Variants in MED13L observed in about 807,000 individuals in gnomAD.
MED13L encodes the protein mediator of RNA polymerase II transcription subunit 13-like.
In MED13L, 7 loss-of-function variants were observed where a neutral mutation model predicts 220.9. The ratio of observed to expected loss-of-function variants is 0.03; its 90% CI spans 0.02 to 0.06. The LOEUF is 0.06. MED13L is among the 10% of genes least tolerant of loss of function. MED13L has a pLI of 1.00. For synonymous variants in MED13L, 1,011 were observed against 1,015.2 expected (o/e 1.00, Z 0.08); for missense variants, 1,965 against 2,760.5 (o/e 0.71, Z 6.46).
chr12:116,111,386 C>T, intron 3 of MED13L, 42 bp downstream of exon 3: 1 of 1,518,924 alleles, frequency 6.6e-7, no homozygotes, highest in Non-Finnish European at 9.1e-7. Flanking sequence ...TAGCAATATA[C>T]TTGGTTGTCT....
intron 2 of MED13L, among the ~76,000 whole-genome samples, chr12:116,167,365 T>G (rs1879357471): frequency 1.3e-5 from 2 of 152,220 alleles, no homozygotes; most frequent in South Asian, 4.1e-4. Context: ...GATGCCAGTC[T>G]ATTAAGTATA....
Position 115,960,577 on chromosome 12 carries a change from C to G in MED13L, c.*689G>C, listed in dbSNP as rs1875696073. The G allele has an allele frequency of 6.5e-6, 1 of 154,256 alleles. No homozygotes were observed. Among genetic ancestry groups the G allele is most frequent in the African/African-American group, 2.4e-5 (1 of 41,418 alleles). 9.6% of individuals were successfully genotyped at this position (154,256 alleles called of 1,614,324 possible). On this transcript the variant is annotated 3_prime_UTR_variant, in exon 31 of 31. Transcript: ENST00000281928. ...GTAGTCAAAGAATCCTATGGTGGAT[C>G]TGAATTGGGTTTCAGCTACTGTACC...
intron 3 of MED13L, among the ~76,000 whole-genome samples, chr12:116,109,617 T>G (rs1366362938): frequency 1.3e-5 from 2 of 152,238 alleles, no homozygotes; most frequent in Non-Finnish European, 2.9e-5. Context: ...AAACGTGTGT[T>G]AATTATTGCA....
At chr12:116,217,877 C>T (rs1190013626) in intron 2 of MED13L, among the ~76,000 whole-genome samples, 1 of 152,074 alleles carries the variant, frequency 6.6e-6, no homozygotes, top group Non-Finnish European at 1.5e-5. Context: ...GAGAATTATA[C>T]CAAAATAAGG....
intron 1 of MED13L, among the ~76,000 whole-genome samples, chr12:116,263,357 CATT>C (rs1045001945): frequency 1.5e-4 from 23 of 152,268 alleles, no homozygotes; most frequent in African/African-American, 5.5e-4. Context: ...CTAAAAATCT[CATT>C]ATATTTCTGA....
chr12:116,212,712 A>AAATCAAATAAGTTCACCCTTAAT (rs1264685294), intron 2 of MED13L, among the ~76,000 whole-genome samples: 1 of 152,226 alleles, frequency 6.6e-6, no homozygotes, highest in Non-Finnish European at 1.5e-5. Context: ...ATAGAAAACA[A>AAATCAAATAAGTTCACCCTTAAT]AATCAAATAA....
At chr12:116,218,096 A>G (rs2138379326) in intron 2 of MED13L, among the ~76,000 whole-genome samples, 1 of 152,298 alleles carries the variant, frequency 6.6e-6, no homozygotes, top group East Asian at 1.9e-4. Flanking sequence ...ATTCAATAGC[A>G]TAACTATCTA....
At chr12:116,096,214 G>T (rs1872620073) in intron 4 of MED13L, among the ~76,000 whole-genome samples, 1 of 151,462 alleles carries the variant, frequency 6.6e-6, no homozygotes, top group South Asian at 2.1e-4. Flanking sequence ...AATTAGCCAG[G>T]TGTGGTGGCA....
chr12:116,140,428 A>G (rs1876966124), intron 2 of MED13L, among the ~76,000 whole-genome samples: 1 of 152,180 alleles, frequency 6.6e-6, no homozygotes, highest in South Asian at 2.1e-4. Flanking sequence ...TTCTAGCAGT[A>G]TTTTTAGAGC....
chr12:116,241,243 T>A (rs1329574092), intron 1 of MED13L, among the ~76,000 whole-genome samples: 1 of 150,676 alleles, frequency 6.6e-6, no homozygotes, highest in Non-Finnish European at 1.5e-5. Flanking sequence ...AGGCAGAGGT[T>A]GTAGTGAGCC....
intron 2 of MED13L, among the ~76,000 whole-genome samples, chr12:116,226,868 CAAA>C (rs1170342196): frequency 3.1e-5 from 2 of 63,894 alleles, no homozygotes; most frequent in Non-Finnish European, 6.0e-5. Context: ...GACTCCATCT[CAAA>C]AAAAAAAAAA....
At chr12:116,235,018 A>G (rs1869945423) in intron 2 of MED13L, among the ~76,000 whole-genome samples, 2 of 152,178 alleles carry the variant, frequency 1.3e-5, no homozygotes, top group South Asian at 4.1e-4. Context: ...AATGAAATAG[A>G]TTCTAAAATA....
intron 14 of MED13L, among the ~76,000 whole-genome samples, chr12:115,998,419 A>G (rs896588960): frequency 6.6e-6 from 1 of 152,226 alleles, no homozygotes; most frequent in Non-Finnish European, 1.5e-5. Context: ...CGAATCAGAA[A>G]TTAACACTGG....
intron 2 of MED13L, among the ~76,000 whole-genome samples, chr12:116,189,658 A>G (rs1364785455): frequency 6.6e-6 from 1 of 152,168 alleles, no homozygotes; most frequent in Admixed American, 6.5e-5. Flanking sequence ...TTTTGCATAA[A>G]GTTTGAGACA....
In MED13L at chr12:116,008,277, C is replaced by T. The variant is rs898289839; in HGVS notation, c.2012+124G>A. ...TTGACCATTAAACATTTTCCATATC[C>T]GGAGTCAAGAAGGACAAAGAAAAGC... On this transcript the variant is annotated intron_variant, in intron 10 of 30. Coordinates refer to ENST00000281928, the MANE Select transcript of MED13L (RefSeq NM_015335.5). The T allele has an allele frequency of 2.2e-5, 29 of 1,321,264 alleles. No homozygotes were observed. In the African/African-American group the frequency reaches 3.1e-4, roughly 14 times the overall value. 81.8% of individuals were successfully genotyped at this position (1,321,264 alleles called of 1,614,324 possible). A position where few individuals can be genotyped will look rare whatever the true frequency, so the allele number is the denominator to read the frequency against.
chr12:116,057,447 T>C (rs1435152058), intron 4 of MED13L, among the ~76,000 whole-genome samples: 1 of 151,926 alleles, frequency 6.6e-6, no homozygotes, highest in Non-Finnish European at 1.5e-5. Flanking sequence ...TGGTTCAGTA[T>C]CCATATGATA....
At chr12:116,102,704 T>TTC (rs1873183135) in intron 3 of MED13L, among the ~76,000 whole-genome samples, 1 of 81,790 alleles carries the variant, frequency 1.2e-5, no homozygotes, top group African/African-American at 4.6e-5. Context: ...TTTCTTTTTC[T>TTC]TTTTTCTTTT....
intron 4 of MED13L, among the ~76,000 whole-genome samples, chr12:116,046,067 T>C (rs1881814299): frequency 6.6e-6 from 1 of 152,134 alleles, no homozygotes; most frequent in African/African-American, 2.4e-5. Flanking sequence ...AAGCCAATAT[T>C]AAAATGCAGT....
intron 22 of MED13L, 92 bp downstream of exon 22, chr12:115,982,292 C>T: frequency 1.5e-6 from 2 of 1,348,844 alleles, no homozygotes; most frequent in Admixed American, 1.9e-5. Flanking sequence ...CCTGTACTTC[C>T]ATTTTTTAAG....
Sources: gnomAD v4.1 joint callset for allele counts (sites outside exome capture counted in the v4.1 genomes callset) on GRCh38, gnomAD v4.1.1 for gene constraint, MANE v1.5 for transcripts, NCBI Gene and HGNC (gene_info 2026-07-23, HGNC 2026-07-21) for gene names.